The following CLDN10 variants were observed in gnomAD, a reference collection of about 807,000 sequenced individuals.
CLDN10 encodes claudin-10.
Under a neutral mutation model 22.9 loss-of-function variants are expected in CLDN10, and 15 were observed. The ratio of observed to expected loss-of-function variants is 0.65; its 90% confidence interval spans 0.44 to 1.01. CLDN10 has a LOEUF of 1.01. Ranked by LOEUF, CLDN10 falls within the 50% of genes least tolerant of loss-of-function variation. The probability of loss-of-function intolerance (pLI) is 0.00; values close to 1 mark genes in which losing one functional copy is unlikely to be tolerated. For missense variants in CLDN10, 247 were observed against 287.8 expected (o/e 0.86, Z 1.03); for synonymous variants, 114 against 111.4 (o/e 1.02, Z -0.15).
At chr13:95,544,573 G>A (rs892460039) in intron 1 of CLDN10, among the ~76,000 whole-genome samples, 8 of 152,110 alleles carry the variant, frequency 5.3e-5, no homozygotes, top group African/African-American at 1.9e-4. Flanking sequence ...CACAAAGAGA[G>A]GTGTGTCTGT....
intron 1 of CLDN10, among the ~76,000 whole-genome samples, chr13:95,436,544 C>T (rs1395095277): frequency 6.6e-6 from 1 of 152,134 alleles, no homozygotes; most frequent in East Asian, 1.9e-4. Flanking sequence ...ATTCTATCTC[C>T]TGTATACCCT....
At chr13:95,538,641 T>G (rs991909744) in intron 1 of CLDN10, among the ~76,000 whole-genome samples, 20 of 152,172 alleles carry the variant, frequency 1.3e-4, no homozygotes, top group Admixed American at 5.2e-4. Context: ...GCTTCCTCCT[T>G]TCCTGACCAT....
chr13:95,502,694 A>G (rs1372946221), intron 1 of CLDN10, among the ~76,000 whole-genome samples: 1 of 151,808 alleles, frequency 6.6e-6, no homozygotes, highest in African/African-American at 2.4e-5. Context: ...TAATTTTTGT[A>G]TTTTTTAGTA....
chr13:95,441,394 G>A (rs572824127), intron 1 of CLDN10, among the ~76,000 whole-genome samples: 1 of 152,202 alleles, frequency 6.6e-6, no homozygotes, highest in African/African-American at 2.4e-5. Flanking sequence ...ACAGGTGCAT[G>A]CCAACCATCC....
intron 1 of CLDN10, among the ~76,000 whole-genome samples, chr13:95,469,149 T>G (rs2042606885): frequency 6.6e-6 from 1 of 151,452 alleles, no homozygotes; most frequent in East Asian, 1.9e-4. Flanking sequence ...TCCTCTGGCA[T>G]TTACCCCACT....
At chr13:95,448,454 C>T (rs553363566) in intron 1 of CLDN10, among the ~76,000 whole-genome samples, 14 of 152,312 alleles carry the variant, frequency 9.2e-5, no homozygotes, top group African/African-American at 3.1e-4. Context: ...TTGCAGACAC[C>T]TCATACATGT....
At chr13:95,566,898 T>C (rs1353328571) in intron 3 of CLDN10, among the ~76,000 whole-genome samples, 1 of 152,186 alleles carries the variant, frequency 6.6e-6, no homozygotes, top group Non-Finnish European at 1.5e-5. Flanking sequence ...CATTTCTTGT[T>C]TTTGTCAGGT....
chr13:95,520,902 C>T (rs1301898471), intron 1 of CLDN10, among the ~76,000 whole-genome samples: 1 of 151,548 alleles, frequency 6.6e-6, no homozygotes, highest in East Asian at 1.9e-4. Context: ...ATCGCGGAGA[C>T]TGCAGTGAGC....
chr13:95,508,971 C>T lies in CLDN10; in HGVS notation c.215-51161C>T, dbSNP rs565080181. Among the ~76,000 whole-genome samples, 8 of 152,292 alleles carry T rather than the reference C, an allele frequency of 5.3e-5. No individual in the cohort carries two copies. In the East Asian group the frequency reaches 7.7e-4, roughly 15 times the overall value. The stretch of plus-strand genomic sequence containing the variant: ...TTTGAGGAAACCCCTGTTGGTTTGA[C>T]ATGATCAGCTGTGTGCTTTATCCAT... On this transcript the variant is annotated intron_variant, in intron 1 of 4. Coordinates refer to the CLDN10 transcript ENST00000376873.
chr13:95,512,104 G>C lies in CLDN10; in HGVS notation c.215-48028G>C, dbSNP rs1201450702. 1.8e-5 allele frequency among the ~76,000 whole-genome samples: 2 copies of C among 109,864 alleles called. 1 individual carries two copies. Among genetic ancestry groups the C allele is most frequent in the Non-Finnish European group, 3.8e-5 (2 of 51,976 alleles). The allele number at this position is 109,864 out of a possible 152,430, so 72.1% of individuals were successfully genotyped here. On this transcript the variant is annotated intron_variant, in intron 1 of 4. Transcript: ENST00000376873. ...GATATAACTAGGAAAAGTCATCTCA[G>C]ACAAAGATCGTCTCTCCTTTTTTTT...
At chr13:95,555,564 T>C (rs755546599) in intron 1 of CLDN10, among the ~76,000 whole-genome samples, 3 of 152,252 alleles carry the variant, frequency 2.0e-5, no homozygotes, top group Admixed American at 1.3e-4. Context: ...ATCTTTTAAA[T>C]TTATGATGCC....
In CLDN10 at chr13:95,524,862, T is replaced by TA. The variant is rs201296045; in HGVS notation, c.215-35270_215-35269insA. 5.9e-3 allele frequency among the ~76,000 whole-genome samples: 422 copies of TA among 70,956 alleles called. 4 individuals carry two copies. The highest frequency in any genetic ancestry group is 0.012 in the African/African-American group (218 of 17,880). The allele number at this position is 70,956 out of a possible 152,430, so 46.5% of individuals were successfully genotyped here. On this transcript the variant is annotated intron_variant, in intron 1 of 4. Coordinates refer to the CLDN10 transcript ENST00000376873. ...TTATTTTTTATTTTATTTATTTATT[T>TA]TTATTTTTTTTTTTGAGACAGAGTT...
chr13:95,477,427 C>G (rs1408844799), intron 1 of CLDN10, among the ~76,000 whole-genome samples: 2 of 152,048 alleles, frequency 1.3e-5, no homozygotes, highest in African/African-American at 2.4e-5. Context: ...GGTTGGGATG[C>G]GAGCTCTGGG....
chr13:95,477,105 C>G (rs1383398551), intron 1 of CLDN10, among the ~76,000 whole-genome samples: 3 of 152,150 alleles, frequency 2.0e-5, no homozygotes, highest in Non-Finnish European at 2.9e-5. Flanking sequence ...CAGATGATGA[C>G]TCTCACTGAA....
At chr13:95,548,845 T>C (rs1188801634), upstream of CLDN10, among the ~76,000 whole-genome samples, 2 of 152,168 alleles carry the variant, frequency 1.3e-5, no homozygotes, top group Non-Finnish European at 2.9e-5. Flanking sequence ...TAATGTATAC[T>C]GAAACCAAAT....
upstream of CLDN10, chr13:95,552,625 C>T (rs1313995072): frequency 3.3e-6 from 4 of 1,208,338 alleles, no homozygotes; most frequent in African/African-American, 5.0e-5. Flanking sequence ...GCGCCGGGTC[C>T]GCTGGGCGGG....
chr13:95,442,034 CCAGCT>C (rs2042329363), intron 1 of CLDN10, among the ~76,000 whole-genome samples: 1 of 152,120 alleles, frequency 6.6e-6, no homozygotes, highest in Non-Finnish European at 1.5e-5. Context: ...ACCTATAGTC[CCAGCT>C]ACTCAGGAGG....
intron 1 of CLDN10, among the ~76,000 whole-genome samples, chr13:95,450,414 C>G (rs764817260): frequency 1.3e-5 from 2 of 152,080 alleles, no homozygotes; most frequent in Non-Finnish European, 2.9e-5. Context: ...GATTAAGAGC[C>G]CTTCCCTCTT....
At chr13:95,556,793 T>G (rs558277846) in intron 1 of CLDN10, among the ~76,000 whole-genome samples, 1 of 152,334 alleles carries the variant, frequency 6.6e-6, no homozygotes, top group Admixed American at 6.5e-5. Context: ...CCCCCCTAAA[T>G]CCATCAACTA....
Sources: allele counts gnomAD v4.1 joint callset (sites outside exome capture counted in the v4.1 genomes callset), GRCh38; gene constraint gnomAD v4.1.1; transcripts MANE v1.5; gene names NCBI Gene and HGNC (gene_info 2026-07-23, HGNC 2026-07-21).